Variants in DNAJC1 observed in about 807,000 individuals in gnomAD.
DNAJC1 encodes DnaJ heat shock protein family (Hsp40) member C1, also known as dnaJ homolog subfamily C member 1.
DNAJC1 carries 58 observed loss-of-function variants against 76.6 expected under a neutral mutation model. The observed-to-expected ratio is 0.76, with a 90% CI of 0.61 to 0.94. DNAJC1 has a LOEUF of 0.94. Ranked by LOEUF, DNAJC1 falls within the 40% of genes least tolerant of loss-of-function variation. The pLI is 0.00. For missense variants in DNAJC1, 689 were observed against 677.3 expected (o/e 1.02, Z -0.19); for synonymous variants, 258 against 267.9 (o/e 0.96, Z 0.36).
intron 1 of DNAJC1, 33 bp from the exon 2 acceptor site, chr10:21,929,174 G>A: frequency 1.4e-6 from 2 of 1,478,500 alleles, no homozygotes; most frequent in South Asian, 1.2e-5. Context: ...AAAATACAAA[G>A]CAAACTTTGT....
chr10:21,946,144 G>A (rs543810706), intron 1 of DNAJC1, among the ~76,000 whole-genome samples: 1 of 140,504 alleles, frequency 7.1e-6, no homozygotes, highest in Non-Finnish European at 1.5e-5. Flanking sequence ...TGGTTCAAGC[G>A]ATTCTCCTTC....
At chr10:21,882,246 G>A (rs778943413) in intron 8 of DNAJC1, 36 bp downstream of exon 8, 13 of 1,569,750 alleles carry the variant, frequency 8.3e-6, no homozygotes, top group Non-Finnish European at 1.0e-5. Context: ...TTCTGTACAT[G>A]TTTTACTCAA....
At chr10:21,824,533 A>G (rs1169336257) in intron 8 of DNAJC1, among the ~76,000 whole-genome samples, 1 of 152,198 alleles carries the variant, frequency 6.6e-6, no homozygotes, top group Non-Finnish European at 1.5e-5. Flanking sequence ...AGAAAATAAC[A>G]GTATTTAACA....
At chr10:21,895,545 AC>A (rs1836527741) in intron 7 of DNAJC1, among the ~76,000 whole-genome samples, 1 of 152,202 alleles carries the variant, frequency 6.6e-6, no homozygotes, top group African/African-American at 2.4e-5. Flanking sequence ...GAAGAGAGAA[AC>A]AAATTAAATA....
At chr10:21,988,675 C>G (rs1838284012) in intron 1 of DNAJC1, among the ~76,000 whole-genome samples, 1 of 152,028 alleles carries the variant, frequency 6.6e-6, no homozygotes, top group Admixed American at 6.5e-5. Context: ...GCCTCATTGT[C>G]CTATGTTTTC....
At chr10:21,987,677 T>G (rs1246536902) in intron 1 of DNAJC1, among the ~76,000 whole-genome samples, 1 of 152,232 alleles carries the variant, frequency 6.6e-6, no homozygotes, top group African/African-American at 2.4e-5. Context: ...GTTAAAGCCT[T>G]CAAAATATCC....
Position 21,768,792 on chromosome 10 carries a change from C to A in DNAJC1, c.1099-2483G>T, listed in dbSNP as rs376898618. ...AAATTTGATTGCCCCACCATATATC[C>A]ATTCCTTCTTTTATCCTAATTCAAA... On this transcript the variant is annotated intron_variant, in intron 9 of 11. Transcript: ENST00000376980. 2.6e-5 allele frequency among the ~76,000 whole-genome samples: 4 copies of A among 152,182 alleles called. No homozygotes were observed. In the East Asian group the frequency reaches 7.7e-4, roughly 29 times the overall value.
intron 7 of DNAJC1, among the ~76,000 whole-genome samples, chr10:21,890,930 C>T (rs187825362): frequency 4.6e-5 from 7 of 152,320 alleles, no homozygotes; most frequent in Admixed American, 3.9e-4. Flanking sequence ...GTGGCTCACA[C>T]CTGTAATCCC....
intron 9 of DNAJC1, among the ~76,000 whole-genome samples, chr10:21,769,239 C>G (rs963695980): frequency 2.0e-5 from 3 of 152,184 alleles, no homozygotes; most frequent in African/African-American, 7.2e-5. Flanking sequence ...CCTTGGAATG[C>G]CAGTCTCATA....
intron 1 of DNAJC1, among the ~76,000 whole-genome samples, chr10:21,999,323 A>G (rs1359685671): frequency 6.6e-6 from 1 of 152,172 alleles, no homozygotes; most frequent in Admixed American, 6.5e-5. Context: ...CATTTAACCC[A>G]GCTGATCCCT....
chr10:21,785,270 T>G (rs1200676749), intron 9 of DNAJC1: 1 of 152,200 alleles, frequency 6.6e-6, no homozygotes, highest in Non-Finnish European at 1.5e-5. Context: ...GCAAAGCCTT[T>G]GTACTTCAAT....
intron 9 of DNAJC1, among the ~76,000 whole-genome samples, chr10:21,780,680 G>C (rs1834516680): frequency 6.6e-6 from 1 of 152,156 alleles, no homozygotes; most frequent in African/African-American, 2.4e-5. Flanking sequence ...GGAAGAAACT[G>C]CATCAACTAA....
intron 1 of DNAJC1, among the ~76,000 whole-genome samples, chr10:21,936,045 TG>T (rs1343728083): frequency 6.6e-6 from 1 of 152,212 alleles, no homozygotes; most frequent in African/African-American, 2.4e-5. Flanking sequence ...TGCTGTGGTC[TG>T]AATGTTTGCA....
At chr10:21,835,737 C>T (rs558961019) in intron 8 of DNAJC1, among the ~76,000 whole-genome samples, 5 of 151,950 alleles carry the variant, frequency 3.3e-5, no homozygotes, top group Admixed American at 2.6e-4. Context: ...AGATGGAAGA[C>T]GAACTGAATG....
chr10:22,000,707 C>T (rs1335483350), intron 1 of DNAJC1, among the ~76,000 whole-genome samples: 2 of 152,208 alleles, frequency 1.3e-5, no homozygotes, highest in East Asian at 1.9e-4. Context: ...GATTATATCA[C>T]GAAGGTGGAG....
intron 7 of DNAJC1, among the ~76,000 whole-genome samples, chr10:21,903,548 G>A (rs1259087739): frequency 6.6e-6 from 1 of 152,160 alleles, no homozygotes; most frequent in African/African-American, 2.4e-5. Context: ...GTGCTCAGTG[G>A]ATGCTCATTA....
In DNAJC1 at chr10:21,882,418, G is replaced by T; in HGVS notation, c.842C>A (p.Pro281Gln). Residue 281 changes from proline to glutamine, a missense_variant, in exon 8 of 12, where the codon CCA becomes CAA. Pro to Gln is a moderately conservative substitution (Grantham distance 76, BLOSUM62 -1). Coordinates refer to ENST00000376980, the MANE Select transcript of DNAJC1 (RefSeq NM_022365.4). ...TGTGTATACAGGAAATTCAGGTTTT[G>T]GTTTTTTAACTTTCTTCTGTTCTAA... The part of the protein sequence containing the change: ...TLQKQKKVKK[P>Q]KPEFPVYTPL... 5.3e-6 allele frequency: 8 copies of T among 1,501,340 alleles called. No individual in the cohort carries two copies. The South Asian group carries it at 7.0e-5, about 13-fold the overall frequency. 93.0% of individuals were successfully genotyped at this position (1,501,340 alleles called of 1,614,324 possible).
At chr10:21,890,178 G>A (rs1742978920) in intron 7 of DNAJC1, among the ~76,000 whole-genome samples, 1 of 151,066 alleles carries the variant, frequency 6.6e-6, no homozygotes, top group Non-Finnish European at 1.5e-5. Flanking sequence ...TTGGGAGGCT[G>A]GGGGGGGGTG....
intron 8 of DNAJC1, among the ~76,000 whole-genome samples, chr10:21,813,096 C>CATATATATATATATATATAT (rs373917334): frequency 3.4e-5 from 4 of 117,292 alleles, no homozygotes; most frequent in African/African-American, 6.8e-5. Context: ...TACACACACA[C>CATATATATATATATATATAT]ATATATATAT....
Sources: allele counts gnomAD v4.1 joint callset (sites outside exome capture counted in the v4.1 genomes callset), GRCh38; gene constraint gnomAD v4.1.1; transcripts MANE v1.5; gene names NCBI Gene and HGNC (gene_info 2026-07-23, HGNC 2026-07-21).